The following ZFP1 variants were observed in gnomAD, a reference collection of about 807,000 sequenced individuals.
ZFP1 encodes the protein ZFP1 zinc finger protein, also known as zinc finger protein 1 homolog.
In ZFP1, 32 loss-of-function variants were observed where a neutral mutation model predicts 38.5. That is an observed-to-expected ratio of 0.83 (90% CI 0.63 to 1.12). The LOEUF (loss-of-function observed/expected upper bound fraction) is 1.12, where lower values mean the gene tolerates loss of function less well. Ranked by LOEUF, ZFP1 falls within the 50% of genes most tolerant of loss-of-function variation. ZFP1 has a pLI of 0.00. For synonymous variants in ZFP1, 245 were observed against 168.8 expected (o/e 1.45, Z -3.50); for missense variants, 616 against 480.8 (o/e 1.28, Z -2.63).
chr16:75,132,925 G>A, the ZFP1 span, among the ~76,000 whole-genome samples: 1 of 150,656 alleles, frequency 6.6e-6, no homozygotes, highest in Non-Finnish European at 1.5e-5. Context: ...CTCCCAAAGT[G>A]CTTGATTACA....
the ZFP1 span, among the ~76,000 whole-genome samples, chr16:75,137,717 T>TTC: frequency 6.6e-6 from 1 of 151,042 alleles, no homozygotes; most frequent in East Asian, 2.0e-4. Context: ...CCGCCCGCCT[T>TTC]GGCTTCCCAA....
intron 2 of ZFP1, among the ~76,000 whole-genome samples, chr16:75,156,256 C>G (rs1010501440): frequency 6.6e-6 from 1 of 152,140 alleles, no homozygotes; most frequent in Non-Finnish European, 1.5e-5. Flanking sequence ...GAGATCGAGA[C>G]CAGCCTGGCC....
intron 2 of ZFP1, among the ~76,000 whole-genome samples, chr16:75,165,371 C>T (rs1014614655): frequency 3.3e-5 from 5 of 152,006 alleles, no homozygotes; most frequent in African/African-American, 9.7e-5. Flanking sequence ...GTTTTTTGTA[C>T]CTCTGAAGGC....
At chr16:75,144,947 G>A (rs566293058), upstream of ZFP1, among the ~76,000 whole-genome samples, 8 of 152,138 alleles carry the variant, frequency 5.3e-5, no homozygotes, top group African/African-American at 1.7e-4. Flanking sequence ...TTCCTGCCTC[G>A]GCCTCCTGAG....
At chr16:75,160,773 G>A (rs2037730702) in intron 2 of ZFP1, among the ~76,000 whole-genome samples, 1 of 152,054 alleles carries the variant, frequency 6.6e-6, no homozygotes, top group Non-Finnish European at 1.5e-5. Context: ...CACTTGAAAT[G>A]CTGCATCCTT....
In ZFP1 at chr16:75,171,198, C is replaced by T. The variant is rs2038409336; in HGVS notation, c.*864C>T. ...TGTCTGTTACCAAAATATTGTGTAA[C>T]ACAGACAGAAACCACCTGTTTTTGT... On this transcript the variant is annotated 3_prime_UTR_variant, in exon 4 of 4. Transcript: ENST00000570010. The T allele has an allele frequency of 6.6e-6, 1 of 152,128 alleles. No homozygotes were observed. Among genetic ancestry groups the T allele is most frequent in the African/African-American group, 2.4e-5 (1 of 41,436 alleles). The allele number at this position is 152,128 out of a possible 1,614,324, so 9.4% of individuals were successfully genotyped here.
At chr16:75,166,154 A>G (rs2038070114) in intron 2 of ZFP1, among the ~76,000 whole-genome samples, 1 of 152,210 alleles carries the variant, frequency 6.6e-6, no homozygotes, top group Non-Finnish European at 1.5e-5. Context: ...CACAGAAATA[A>G]TGCCTATGTG....
chr16:75,132,024 T>C, the ZFP1 span, among the ~76,000 whole-genome samples: 2 of 152,238 alleles, frequency 1.3e-5, no homozygotes, highest in East Asian at 3.9e-4. Context: ...TCAAGTTTGG[T>C]TGATGCGTCT....
chr16:75,161,782 T>TA (rs1567533153), intron 2 of ZFP1, among the ~76,000 whole-genome samples: 4 of 14,298 alleles, frequency 2.8e-4, no homozygotes, highest in African/African-American at 7.7e-4. Flanking sequence ...ATATTTTTTT[T>TA]TTTTTTTTTT....
At chr16:75,143,310 G>T in the ZFP1 span, among the ~76,000 whole-genome samples, 1 of 151,732 alleles carries the variant, frequency 6.6e-6, no homozygotes, top group African/African-American at 2.4e-5. Flanking sequence ...GGTGTGATCT[G>T]GGCTCACTGC....
chr16:75,135,289 G>A, the ZFP1 span, among the ~76,000 whole-genome samples: 2 of 74,392 alleles, frequency 2.7e-5, no homozygotes, highest in South Asian at 9.5e-4. Context: ...ACGTTAATCA[G>A]CAATTCTAAA....
chr16:75,159,113 T>TCTCGAACTC (rs1246684184), intron 2 of ZFP1, among the ~76,000 whole-genome samples: 1 of 152,016 alleles, frequency 6.6e-6, no homozygotes, highest in Non-Finnish European at 1.5e-5. Flanking sequence ...TCCAGGCTGG[T>TCTCGAACTC]CTCGAACTCC....
the ZFP1 span, among the ~76,000 whole-genome samples, chr16:75,139,225 C>T: frequency 6.6e-6 from 1 of 151,822 alleles, no homozygotes; most frequent in Middle Eastern, 3.4e-3. Context: ...AAAAATTAGC[C>T]AGGTGTGGTG....
At chr16:75,119,970 C>A in the ZFP1 span, among the ~76,000 whole-genome samples, 14 of 152,164 alleles carry the variant, frequency 9.2e-5, no homozygotes, top group Admixed American at 9.2e-4. Flanking sequence ...AACGAGGCCA[C>A]CTTTTTGCTA....
At chr16:75,156,219 C>G (rs1048398952) in intron 2 of ZFP1, among the ~76,000 whole-genome samples, 2 of 152,116 alleles carry the variant, frequency 1.3e-5, no homozygotes, top group East Asian at 3.9e-4. Flanking sequence ...TTTGGGAGGC[C>G]GAGGTTGGTG....
chr16:75,160,778 A>G (rs986882117), intron 2 of ZFP1, among the ~76,000 whole-genome samples: 3 of 152,082 alleles, frequency 2.0e-5, no homozygotes, highest in Non-Finnish European at 4.4e-5. Context: ...GAAATGCTGC[A>G]TCCTTCAGAG....
At chr16:75,146,162 ATT>A (rs201868781), upstream of ZFP1, among the ~76,000 whole-genome samples, 1,310 of 141,590 alleles carry the variant, frequency 9.3e-3, 14 homozygotes, top group Non-Finnish European at 0.011. Flanking sequence ...AACCATGCTA[ATT>A]TTTTTTTTTT....
chr16:75,165,597 C>G (rs1020652112), intron 2 of ZFP1, among the ~76,000 whole-genome samples: 3 of 152,048 alleles, frequency 2.0e-5, no homozygotes, highest in Non-Finnish European at 4.4e-5. Context: ...GTTTCACCAT[C>G]TTTGCCAGGT....
chr16:75,149,557 C>CTTTTTTTTTTTT (rs34371791), intron 1 of ZFP1, among the ~76,000 whole-genome samples: 46 of 101,764 alleles, frequency 4.5e-4, no homozygotes, highest in South Asian at 6.5e-4. Flanking sequence ...TCTTTACTTT[C>CTTTTTTTTTTTT]TTTTTTTTTT....
Sources: gnomAD v4.1 joint callset for allele counts (sites outside exome capture counted in the v4.1 genomes callset) on GRCh38, gnomAD v4.1.1 for gene constraint, MANE v1.5 for transcripts, NCBI Gene and HGNC (gene_info 2026-07-23, HGNC 2026-07-21) for gene names.